ASIC2: variants seen among roughly 807,000 people sequenced by gnomAD.
ASIC2 encodes the protein acid sensing ion channel subunit 2.
A neutral mutation model predicts 57.3 loss-of-function variants in ASIC2; 25 were observed. The observed-to-expected ratio is 0.44, with a 90% CI of 0.32 to 0.61. The LOEUF (loss-of-function observed/expected upper bound fraction) is 0.61, where lower values mean the gene tolerates loss of function less well. Ranked by LOEUF, ASIC2 falls within the 20% of genes least tolerant of loss-of-function variation. The probability of loss-of-function intolerance (pLI) is 0.06; values close to 1 mark genes in which losing one functional copy is unlikely to be tolerated. For missense variants in ASIC2, 641 were observed against 738.1 expected (o/e 0.87, Z 1.52); for synonymous variants, 319 against 307.5 (o/e 1.04, Z -0.39).
intron 1 of ASIC2, among the ~76,000 whole-genome samples, chr17:33,567,935 A>G (rs1916295654): frequency 6.6e-6 from 1 of 152,184 alleles, no homozygotes; most frequent in Non-Finnish European, 1.5e-5. Flanking sequence ...TTGTTGATGA[A>G]GGCTTTGACT....
intron 1 of ASIC2, among the ~76,000 whole-genome samples, chr17:33,859,265 T>A (rs1914042870): frequency 6.6e-6 from 1 of 152,228 alleles, no homozygotes; most frequent in African/African-American, 2.4e-5. Context: ...TTCTCCAGGC[T>A]AGAAGCTATA....
At chr17:33,941,781 A>G (rs1210536102) in intron 1 of ASIC2, among the ~76,000 whole-genome samples, 1 of 152,198 alleles carries the variant, frequency 6.6e-6, no homozygotes, top group Non-Finnish European at 1.5e-5. Flanking sequence ...TGCCTGGGAC[A>G]TAAGAGAGAG....
At chr17:33,100,057 T>G (rs2092205239) in intron 2 of ASIC2, 1 of 152,186 alleles carries the variant, frequency 6.6e-6, no homozygotes, top group Admixed American at 6.5e-5. Context: ...TCAGAGCTTC[T>G]TACAGTTGGA....
chr17:33,492,834 TG>T (rs899916991), intron 1 of ASIC2, among the ~76,000 whole-genome samples: 10 of 152,160 alleles, frequency 6.6e-5, no homozygotes, highest in African/African-American at 2.4e-4. Context: ...CTTTGTGGAA[TG>T]GGGGAAAGCT....
intron 1 of ASIC2, among the ~76,000 whole-genome samples, chr17:34,151,466 G>T (rs1009901429): frequency 1.3e-5 from 2 of 152,202 alleles, no homozygotes; most frequent in African/African-American, 4.8e-5. Context: ...GCTGTGCACA[G>T]GGTGCATAGG....
chr17:33,226,482 G>C (rs1415452301), intron 1 of ASIC2, among the ~76,000 whole-genome samples: 1 of 152,200 alleles, frequency 6.6e-6, no homozygotes, highest in East Asian at 1.9e-4. Context: ...TCACTATGGT[G>C]CTTGTTCTCA....
At chr17:33,408,918 A>G (rs1245656277) in intron 1 of ASIC2, among the ~76,000 whole-genome samples, 1 of 152,244 alleles carries the variant, frequency 6.6e-6, no homozygotes, top group Non-Finnish European at 1.5e-5. Context: ...GTACAGACAG[A>G]ATATTCCAGT....
chr17:33,495,397 A>G (rs1913895807), intron 1 of ASIC2, among the ~76,000 whole-genome samples: 1 of 152,056 alleles, frequency 6.6e-6, no homozygotes, highest in South Asian at 2.1e-4. Context: ...GCCATGGCCA[A>G]CTCCCATCGT....
At chr17:33,536,034 G>A (rs748388608) in intron 1 of ASIC2, among the ~76,000 whole-genome samples, 14 of 152,184 alleles carry the variant, frequency 9.2e-5, no homozygotes, top group Admixed American at 5.9e-4. Flanking sequence ...AAGTGGCCTC[G>A]GGATTGTTTA....
Position 33,874,953 on chromosome 17 carries a change from C to T in ASIC2, c.555+281025G>A, listed in dbSNP as rs1015498685. On this transcript the variant is annotated intron_variant, in intron 1 of 9. Transcript: ENST00000359872. Reference sequence around the variant, plus strand: ...CTGTCCTGATAAAATTAACTGCCCTCCCCCATCTTGTCCCATGACAAGCTC... The same window carrying T: ...CTGTCCTGATAAAATTAACTGCCCTTCCCCATCTTGTCCCATGACAAGCTC... 3.3e-5 allele frequency among the ~76,000 whole-genome samples: 5 copies of T among 152,344 alleles called. No homozygotes were observed. The South Asian group carries it at 1.0e-3, about 32-fold the overall frequency.
intron 1 of ASIC2, among the ~76,000 whole-genome samples, chr17:33,935,057 C>G (rs1295675060): frequency 6.6e-6 from 1 of 152,252 alleles, no homozygotes; most frequent in Admixed American, 6.5e-5. Context: ...CAGCACCATC[C>G]CTGTGAGCCC....
chr17:34,131,595 G>A (rs534257226), intron 1 of ASIC2, among the ~76,000 whole-genome samples: 5 of 152,218 alleles, frequency 3.3e-5, no homozygotes, highest in Non-Finnish European at 5.9e-5. Context: ...ATTCCTGGGG[G>A]GAAGCCAGCT....
At chr17:34,088,189 T>C (rs1241752880) in intron 1 of ASIC2, among the ~76,000 whole-genome samples, 1 of 152,216 alleles carries the variant, frequency 6.6e-6, no homozygotes, top group Non-Finnish European at 1.5e-5. Context: ...CTTTTGGTCT[T>C]TGATGATGGT....
chr17:33,979,633 C>T (rs1905538535), intron 1 of ASIC2, among the ~76,000 whole-genome samples: 1 of 152,180 alleles, frequency 6.6e-6, no homozygotes, highest in African/African-American at 2.4e-5. Context: ...AAATCCCACC[C>T]CTCATACAAG....
chr17:33,265,443 G>C (rs1179755388), intron 1 of ASIC2, among the ~76,000 whole-genome samples: 1 of 152,158 alleles, frequency 6.6e-6, no homozygotes, highest in Non-Finnish European at 1.5e-5. Flanking sequence ...TCACTTACAA[G>C]TGGGAGCTGA....
At chr17:33,318,918 C>T (rs757578023) in intron 1 of ASIC2, among the ~76,000 whole-genome samples, 2 of 152,190 alleles carry the variant, frequency 1.3e-5, no homozygotes, top group African/African-American at 2.4e-5. Flanking sequence ...AGAATGGTCA[C>T]CAGGAGCAAA....
chr17:33,776,778 C>G (rs1009209620), intron 1 of ASIC2, among the ~76,000 whole-genome samples: 2 of 152,226 alleles, frequency 1.3e-5, no homozygotes, highest in Non-Finnish European at 2.9e-5. Flanking sequence ...GAGCACCTAG[C>G]TGGGCTTCGG....
At chr17:33,820,145 C>T (rs1220642055) in intron 1 of ASIC2, among the ~76,000 whole-genome samples, 2 of 152,202 alleles carry the variant, frequency 1.3e-5, no homozygotes, top group Non-Finnish European at 1.5e-5. Context: ...TTTCAAATTT[C>T]ATCTCTTTTT....
At chr17:33,524,945 C>T (rs1914844084) in intron 1 of ASIC2, among the ~76,000 whole-genome samples, 1 of 151,990 alleles carries the variant, frequency 6.6e-6, no homozygotes, top group Non-Finnish European at 1.5e-5. Flanking sequence ...GGGAGCCCAG[C>T]AGCTCCCTTG....
Sources: gnomAD v4.1 joint callset for allele counts (sites outside exome capture counted in the v4.1 genomes callset) on GRCh38, gnomAD v4.1.1 for gene constraint, MANE v1.5 for transcripts, NCBI Gene and HGNC (gene_info 2026-07-23, HGNC 2026-07-21) for gene names.